LINGO2: variants seen among roughly 807,000 people sequenced by gnomAD.
The protein encoded by LINGO2 is leucine-rich repeat and immunoglobulin-like domain-containing nogo receptor-interacting protein 2.
In LINGO2, 14 loss-of-function variants were observed where a neutral mutation model predicts 30.6. That is an observed-to-expected ratio of 0.46 (90% CI 0.30 to 0.72). LINGO2 has a LOEUF of 0.72. Ranked by LOEUF, LINGO2 falls within the 30% of genes least tolerant of loss-of-function variation. LINGO2 has a pLI of 0.07. For synonymous variants in LINGO2, 317 were observed against 288.5 expected, an observed-to-expected ratio of 1.10 and a Z score of -1.00; for missense variants, 729 against 751.7, an observed-to-expected ratio of 0.97 and a Z score of 0.35.
chr9:28,961,626 A>G, the LINGO2 span, among the ~76,000 whole-genome samples: 1 of 152,156 alleles, frequency 6.6e-6, no homozygotes, highest in South Asian at 2.1e-4. Context: ...CTGTAATGAA[A>G]AGTCTGAAAG....
chr9:28,440,952 T>C (rs1247949649), intron 2 of LINGO2, among the ~76,000 whole-genome samples: 1 of 152,186 alleles, frequency 6.6e-6, no homozygotes, highest in Non-Finnish European at 1.5e-5. Context: ...GTTTGAATGT[T>C]TCCCCAAAAA....
At chr9:28,366,202 A>C (rs985956145) in intron 3 of LINGO2, among the ~76,000 whole-genome samples, 2 of 152,168 alleles carry the variant, frequency 1.3e-5, no homozygotes, top group Admixed American at 6.5e-5. Context: ...TGTGAAGAAG[A>C]AGCAGGGCAT....
At chr9:28,187,514 G>T (rs1173198676) in intron 4 of LINGO2, among the ~76,000 whole-genome samples, 1 of 151,654 alleles carries the variant, frequency 6.6e-6, no homozygotes, top group African/African-American at 2.4e-5. Flanking sequence ...AAAAGACAGA[G>T]GATTCACAGA....
At chr9:28,128,234 A>G (rs1421807381) in intron 4 of LINGO2, among the ~76,000 whole-genome samples, 1 of 152,214 alleles carries the variant, frequency 6.6e-6, no homozygotes, top group African/African-American at 2.4e-5. Flanking sequence ...CTTGTGAGCC[A>G]CAGAAAAAGT....
At chr9:28,983,593 G>A in the LINGO2 span, among the ~76,000 whole-genome samples, 182 of 151,560 alleles carry the variant, frequency 1.2e-3, no homozygotes, top group Non-Finnish European at 2.3e-3. Flanking sequence ...CTATATGAAC[G>A]GATCCTCAAA....
chr9:28,018,294 C>G (rs114815076), intron 4 of LINGO2, among the ~76,000 whole-genome samples: 2,937 of 152,056 alleles, frequency 0.019, 113 homozygotes, highest in African/African-American at 0.068. Context: ...GGACATAGAC[C>G]CTGGCAAAGA....
the LINGO2 span, among the ~76,000 whole-genome samples, chr9:28,854,794 G>C: frequency 6.6e-6 from 1 of 151,784 alleles, no homozygotes; most frequent in Non-Finnish European, 1.5e-5. Context: ...GTACCAAAAA[G>C]AACTGTTAGC....
chr9:28,109,398 A>T (rs1172857079), intron 4 of LINGO2, among the ~76,000 whole-genome samples: 1 of 152,210 alleles, frequency 6.6e-6, no homozygotes, highest in Non-Finnish European at 1.5e-5. Context: ...TGGCCAGGAC[A>T]ATCAGGCAAT....
intron 4 of LINGO2, among the ~76,000 whole-genome samples, chr9:28,143,051 C>T (rs1827718580): frequency 6.6e-6 from 1 of 152,094 alleles, no homozygotes; most frequent in Admixed American, 6.5e-5. Context: ...AACTGTAAAG[C>T]TAAGGGTGGG....
chr9:28,362,212 GTA>G (rs900453596), intron 3 of LINGO2, among the ~76,000 whole-genome samples: 5 of 111,614 alleles, frequency 4.5e-5, no homozygotes, highest in African/African-American at 6.1e-5. Flanking sequence ...AATTGTGTGT[GTA>G]TGTGTGTGTG....
chr9:28,522,152 A>G (rs1231960706), intron 1 of LINGO2, among the ~76,000 whole-genome samples: 3 of 152,206 alleles, frequency 2.0e-5, no homozygotes, highest in Non-Finnish European at 4.4e-5. Flanking sequence ...ACCAGAAAAG[A>G]AGAGGGGAGT....
intron 1 of LINGO2, among the ~76,000 whole-genome samples, chr9:28,637,405 C>G (rs983671591): frequency 6.6e-6 from 1 of 152,092 alleles, no homozygotes; most frequent in African/African-American, 2.4e-5. Context: ...TATAAATTAC[C>G]TTGGGAAGTA....
At chr9:28,166,740 T>A (rs78613079) in intron 4 of LINGO2, among the ~76,000 whole-genome samples, 12,703 of 152,086 alleles carry the variant, frequency 0.084, 710 homozygotes, top group Middle Eastern at 0.14. Context: ...TTCCTTTTTT[T>A]TTTCCTGGAA....
chr9:29,046,251 T>C, the LINGO2 span, among the ~76,000 whole-genome samples: 1 of 152,184 alleles, frequency 6.6e-6, no homozygotes, highest in Non-Finnish European at 1.5e-5. Flanking sequence ...CCATTCAGTA[T>C]AATGTTGGTT....
chr9:27,994,958 T>G (rs1419106185), intron 5 of LINGO2, among the ~76,000 whole-genome samples: 1 of 152,162 alleles, frequency 6.6e-6, no homozygotes, highest in East Asian at 1.9e-4. Context: ...AATGAATTCT[T>G]TTTGGCTAAA....
At chr9:28,847,514 A>G in the LINGO2 span, among the ~76,000 whole-genome samples, 4 of 146,456 alleles carry the variant, frequency 2.7e-5, no homozygotes, top group Non-Finnish European at 6.0e-5. Flanking sequence ...CTTCCTTCAC[A>G]TGCCTTTCAT....
chr9:28,111,549 A>C (rs976897569), intron 4 of LINGO2, among the ~76,000 whole-genome samples: 1 of 152,146 alleles, frequency 6.6e-6, no homozygotes, highest in African/African-American at 2.4e-5. Context: ...TGTTTTAGGA[A>C]GGGAATAATC....
rs550832386 is a variant in LINGO2, at chr9:28,409,984, G to A, written c.-278-37116C>T. Among the ~76,000 whole-genome samples, 48 of 141,448 alleles carry A rather than the reference G, an allele frequency of 3.4e-4. 1 individual carries two copies. Among genetic ancestry groups the A allele is most frequent in the African/African-American group, 1.2e-3 (41 of 35,626 alleles). 92.8% of individuals were successfully genotyped at this position (141,448 alleles called of 152,430 possible). On this transcript the variant is annotated intron_variant, in intron 2 of 5. Coordinates refer to ENST00000379992, the Ensembl canonical transcript of LINGO2. ...GGTGTGAGGGAGGGAGAGAAATAAA[G>A]GGAGAAGGAAAGGAAGAGGGCTGAA...
chr9:28,559,575 G>T (rs1822931221), intron 1 of LINGO2, among the ~76,000 whole-genome samples: 1 of 152,014 alleles, frequency 6.6e-6, no homozygotes, highest in Admixed American at 6.6e-5. Flanking sequence ...TGTAATAATG[G>T]AATCTATTTT....
Sources: gnomAD v4.1 joint callset for allele counts (sites outside exome capture counted in the v4.1 genomes callset) on GRCh38, gnomAD v4.1.1 for gene constraint, MANE v1.5 for transcripts, NCBI Gene and HGNC (gene_info 2026-07-23, HGNC 2026-07-21) for gene names.